ARHGAP18: variants seen among roughly 807,000 people sequenced by gnomAD.
ARHGAP18 encodes the protein Rho GTPase activating protein 18.
ARHGAP18 carries 67 observed loss-of-function variants against 86.2 expected under a neutral mutation model. That is an observed-to-expected ratio of 0.78 (90% CI 0.64 to 0.95). ARHGAP18 has a LOEUF of 0.95. ARHGAP18 is among the 40% of genes least tolerant of loss of function. The probability of loss-of-function intolerance (pLI) is 0.00; values close to 1 mark genes in which losing one functional copy is unlikely to be tolerated. For synonymous variants in ARHGAP18, 283 were observed against 280.4 expected (o/e 1.01, Z -0.09); for missense variants, 691 against 780.4 (o/e 0.89, Z 1.37).
intron 12 of ARHGAP18, among the ~76,000 whole-genome samples, chr6:129,597,837 C>T (rs1471851164): frequency 1.3e-5 from 2 of 152,092 alleles, no homozygotes; most frequent in East Asian, 3.9e-4. Flanking sequence ...GTACAGAGAT[C>T]ATTCTCAGAC....
chr6:129,638,448 G>A lies in ARHGAP18; in HGVS notation c.498C>T (p.Tyr166=). ...ATATGTCTCTGACGTCAGGAATCTG[G>A]TACTGTTTGTTTTTTTTCCTCAAGG... The part of the protein sequence containing the change: ...SQTLRKKNKQ[Y]QIPDVRDIFA... The change falls in exon 3 of 15, where the codon TAC becomes TAT. Residue 166 remains tyrosine, a synonymous_variant. Transcript: ENST00000368149. 1 of 1,614,102 alleles carries A rather than the reference G, an allele frequency of 6.2e-7. No homozygotes were observed. Among genetic ancestry groups the A allele is most frequent in the South Asian group, 1.1e-5 (1 of 91,080 alleles).
At chr6:129,699,623 G>A (rs1774678546) in intron 1 of ARHGAP18, among the ~76,000 whole-genome samples, 1 of 152,174 alleles carries the variant, frequency 6.6e-6, no homozygotes, top group Admixed American at 6.5e-5. Context: ...TAGAATTATA[G>A]AATGAATATC....
chr6:129,681,032 A>G (rs1455482475), intron 1 of ARHGAP18, among the ~76,000 whole-genome samples: 4 of 152,146 alleles, frequency 2.6e-5, no homozygotes, highest in Non-Finnish European at 5.9e-5. Context: ...AATTGCTGCC[A>G]TTCTAGAATC....
intron 6 of ARHGAP18, among the ~76,000 whole-genome samples, chr6:129,617,698 A>C (rs1414472921): frequency 6.6e-6 from 1 of 152,320 alleles, no homozygotes; most frequent in East Asian, 1.9e-4. Flanking sequence ...AACTGTTTAA[A>C]TTGTATTTCT....
intron 5 of ARHGAP18, among the ~76,000 whole-genome samples, chr6:129,628,722 TA>T: frequency 6.6e-6 from 1 of 152,128 alleles, no homozygotes; most frequent in Non-Finnish European, 1.5e-5. Flanking sequence ...GACTCTTTGA[TA>T]ATATTGAAGA....
At chr6:129,597,285 G>A (rs1399985760) in intron 12 of ARHGAP18, among the ~76,000 whole-genome samples, 1 of 151,876 alleles carries the variant, frequency 6.6e-6, no homozygotes, top group East Asian at 1.9e-4. Flanking sequence ...ACAGGTGTGT[G>A]CTACCACGTC....
chr6:129,650,817 T>C (rs541705087), intron 1 of ARHGAP18, among the ~76,000 whole-genome samples: 1 of 152,320 alleles, frequency 6.6e-6, no homozygotes, highest in Admixed American at 6.5e-5. Flanking sequence ...TACCTTGCAC[T>C]TGGAGCATAG....
chr6:129,655,131 A>G (rs546807520), intron 1 of ARHGAP18, among the ~76,000 whole-genome samples: 3 of 151,778 alleles, frequency 2.0e-5, no homozygotes, highest in Non-Finnish European at 4.4e-5. Context: ...GACCAGCCTG[A>G]CCAACATGGA....
chr6:129,594,400 G>A (rs1347545603), intron 12 of ARHGAP18, among the ~76,000 whole-genome samples: 1 of 151,934 alleles, frequency 6.6e-6, no homozygotes, highest in African/African-American at 2.4e-5. Flanking sequence ...TTATTTCCTA[G>A]CCTCCTTCAC....
chr6:129,627,303 G>T (rs1468267466), intron 5 of ARHGAP18, among the ~76,000 whole-genome samples: 1 of 151,964 alleles, frequency 6.6e-6, no homozygotes, highest in African/African-American at 2.4e-5. Flanking sequence ...TAAATAAAAA[G>T]AAAATATTAG....
At chr6:129,641,523 A>G (rs1025382314) in intron 2 of ARHGAP18, among the ~76,000 whole-genome samples, 1 of 152,220 alleles carries the variant, frequency 6.6e-6, no homozygotes, top group Non-Finnish European at 1.5e-5. Flanking sequence ...AAGAAATTTA[A>G]AGGGAGGTTA....
rs752695613 is a variant in ARHGAP18, at chr6:129,608,104, AT to A, written c.1123-53del. The stretch of plus-strand genomic sequence containing the variant: ...AAAAAAAAGAAGCAGCTAGAAGTGC[AT>A]TTTTTTTCTTGCTGAGAGTATGACA... On this transcript the variant is annotated intron_variant, in intron 8 of 14. Coordinates refer to ENST00000368149, the MANE Select transcript of ARHGAP18 (RefSeq NM_033515.3). 71 of 1,490,714 alleles carry A rather than the reference AT, an allele frequency of 4.8e-5. 1 individual carries two copies. The highest frequency in any genetic ancestry group is 2.3e-4 in the South Asian group (17 of 74,596). 92.3% of individuals were successfully genotyped at this position (1,490,714 alleles called of 1,614,324 possible).
intron 12 of ARHGAP18, among the ~76,000 whole-genome samples, chr6:129,598,464 G>T (rs1788664833): frequency 6.6e-6 from 1 of 152,176 alleles, no homozygotes; most frequent in African/African-American, 2.4e-5. Context: ...AACTTCAATG[G>T]TGGTGGTAGT....
At chr6:129,582,381 A>C (rs1217999420) in intron 13 of ARHGAP18, among the ~76,000 whole-genome samples, 3 of 152,160 alleles carry the variant, frequency 2.0e-5, no homozygotes, top group Admixed American at 2.0e-4. Flanking sequence ...GTACAGACTA[A>C]ATTGAGCACT....
intron 1 of ARHGAP18, among the ~76,000 whole-genome samples, chr6:129,688,391 G>A (rs1774468953): frequency 6.6e-6 from 1 of 152,152 alleles, no homozygotes; most frequent in South Asian, 2.1e-4. Context: ...TTCCAGTCCT[G>A]TAACACAGAT....
intron 8 of ARHGAP18, 120 bp downstream of exon 8, chr6:129,611,413 T>G: frequency 1.3e-6 from 1 of 786,940 alleles, no homozygotes; most frequent in Non-Finnish European, 2.0e-6. Flanking sequence ...GGTTTTATTG[T>G]TTTATTTTAT....
At chr6:129,652,723 T>C (rs571501301) in intron 1 of ARHGAP18, among the ~76,000 whole-genome samples, 1 of 152,354 alleles carries the variant, frequency 6.6e-6, no homozygotes, top group Admixed American at 6.5e-5. Context: ...AATTTCATTC[T>C]GGCTGCTGAC....
In ARHGAP18 at chr6:129,607,885, G is replaced by A; in HGVS notation, c.1282+8C>T. On this transcript the variant is annotated splice_region_variant and intron_variant, in intron 9 of 14. Transcript: ENST00000368149. Reference sequence around the variant, plus strand: ...AGAAGGACTGCTTCAAAGAGGGATAGCACTTACTCTGGACAGCCTGAAAGG... The same window carrying A: ...AGAAGGACTGCTTCAAAGAGGGATAACACTTACTCTGGACAGCCTGAAAGG... 1.3e-6 allele frequency: 2 copies of A among 1,587,962 alleles called. No individual in the cohort carries two copies. The highest frequency in any genetic ancestry group is 1.7e-6 in the Non-Finnish European group (2 of 1,171,618).
chr6:129,590,317 G>A (rs1458374115), intron 12 of ARHGAP18, among the ~76,000 whole-genome samples: 2 of 152,180 alleles, frequency 1.3e-5, no homozygotes, highest in Non-Finnish European at 2.9e-5. Context: ...TGAGTTCAGG[G>A]TGGTAAAAGG....
Sources: allele counts gnomAD v4.1 joint callset (sites outside exome capture counted in the v4.1 genomes callset), GRCh38; gene constraint gnomAD v4.1.1; transcripts MANE v1.5; gene names NCBI Gene and HGNC (gene_info 2026-07-23, HGNC 2026-07-21).